MPP3: variants seen among roughly 807,000 people sequenced by gnomAD.
The protein encoded by MPP3 is MAGUK p55 scaffold protein 3.
Under a neutral mutation model 80.7 loss-of-function variants are expected in MPP3, and 48 were observed. The observed-to-expected ratio is 0.59, with a 90% CI of 0.47 to 0.76. The LOEUF (loss-of-function observed/expected upper bound fraction) is 0.76. Among genes scored for constraint, MPP3 ranks in the 30% least tolerant of loss-of-function variants. The probability of loss-of-function intolerance (pLI) is 0.00; values close to 1 mark genes in which losing one functional copy is unlikely to be tolerated. For missense variants in MPP3, 620 were observed against 763.0 expected (o/e 0.81, Z 2.21); for synonymous variants, 311 against 297.6 (o/e 1.04, Z -0.46).
intron 19 of MPP3, among the ~76,000 whole-genome samples, chr17:43,806,189 AG>A (rs1437494779): frequency 3.3e-5 from 5 of 152,248 alleles, no homozygotes; most frequent in African/African-American, 1.2e-4. Context: ...TTTTTGAGAC[AG>A]AGTCTTGCTC....
Position 43,818,101 on chromosome 17 carries a change from G to GCTTAGT in MPP3, c.885_890dup (p.Arg295_Leu296dup). The GCTTAGT allele has an allele frequency of 6.4e-7, 1 of 1,561,188 alleles. No homozygotes were observed. Among genetic ancestry groups the GCTTAGT allele is most frequent in the South Asian group, 1.2e-5 (1 of 84,012 alleles). On this transcript the variant is annotated inframe_insertion, in exon 12 of 20. Coordinates refer to ENST00000398389, the MANE Select transcript of MPP3 (RefSeq NM_001932.6). ...GCAGGGTGCCCGCGGCTCTCCGGTA[G>GCTTAGT]CTTAGTCGTCTGCAGGGACACAAGG...
chr17:43,816,779 A>G, intron 12 of MPP3, 82 bp from the exon 13 acceptor site: 1 of 1,378,524 alleles, frequency 7.3e-7, no homozygotes, highest in East Asian at 2.5e-5. Flanking sequence ...CCACGGCCCG[A>G]GTGCCTGAGG....
chr17:43,814,470 ACTGACT>A, intron 14 of MPP3, 109 bp from the exon 15 acceptor site: 6 of 1,164,552 alleles, frequency 5.2e-6, no homozygotes, highest in Non-Finnish European at 7.1e-6. Flanking sequence ...ACTGAGTCCC[ACTGACT>A]TCTCCCAACC....
intron 10 of MPP3, among the ~76,000 whole-genome samples, chr17:43,823,299 G>A (rs2045547894): frequency 6.6e-6 from 1 of 151,996 alleles, no homozygotes; most frequent in South Asian, 2.1e-4. Context: ...CCACCACATA[G>A]CCCTTAACGT....
chr17:43,832,622 G>A (rs1555595719), intron 2 of MPP3, 139 bp downstream of exon 2: 1 of 152,580 alleles, frequency 6.6e-6, no homozygotes, highest in Non-Finnish European at 1.5e-5. Flanking sequence ...AGAGGAGAAG[G>A]AGAGTCATGA....
At chr17:43,814,115 C>A in intron 15 of MPP3, 24 bp from the exon 16 acceptor site, 1 of 1,606,420 alleles carries the variant, frequency 6.2e-7, no homozygotes, top group Non-Finnish European at 8.5e-7. Flanking sequence ...AGAAGGCTGA[C>A]CAGGGTCCCT....
At position 43,814,850 on chromosome 17, in the gene MPP3, A is replaced by G. The variant is rs137938914; in HGVS notation, c.1010-489T>C. On this transcript the variant is annotated intron_variant, in intron 14 of 19. Coordinates refer to ENST00000398389, the MANE Select transcript of MPP3 (RefSeq NM_001932.6). ...GGCCTTAGGAAATACATGCTGAGAG[A>G]TTTAGGGTTAAAGGGACACGATGTC... is the stretch of plus-strand genomic sequence containing the variant. 7.7e-4 allele frequency among the ~76,000 whole-genome samples: 117 copies of G among 152,312 alleles called. 2 individuals are homozygous for G. The East Asian group carries it at 0.018, about 24-fold the overall frequency.
chr17:43,809,532 T>C (rs1005702279), intron 18 of MPP3, among the ~76,000 whole-genome samples: 5 of 152,132 alleles, frequency 3.3e-5, no homozygotes, highest in Non-Finnish European at 7.4e-5. Context: ...AAGAAAAGGT[T>C]TGCAAAGCAA....
At chr17:43,814,472 T>C (rs2045019505) in intron 14 of MPP3, 111 bp from the exon 15 acceptor site, 2 of 1,089,164 alleles carry the variant, frequency 1.8e-6, no homozygotes, top group South Asian at 1.7e-5. Context: ...TGAGTCCCAC[T>C]GACTTCTCCC....
At position 43,811,209 on chromosome 17, in the gene MPP3, T is replaced by G; in HGVS notation, c.1256-4A>C. On this transcript the variant is annotated splice_region_variant and splice_polypyrimidine_tract_variant and intron_variant, in intron 16 of 19. Transcript: ENST00000398389. ...CTCTTTCGGGGCCTGGTGGTATCTTTTAAAGAAAGAAGGAAAGCTGGGCAA... is the reference window on the plus strand; with the variant it reads ...CTCTTTCGGGGCCTGGTGGTATCTTGTAAAGAAAGAAGGAAAGCTGGGCAA... 6.2e-7 allele frequency: 1 copy of G among 1,612,182 alleles called. No individual in the cohort carries two copies. Among genetic ancestry groups the G allele is most frequent in the Non-Finnish European group, 8.5e-7 (1 of 1,178,312 alleles).
intron 9 of MPP3, 117 bp from the exon 10 acceptor site, chr17:43,824,122 T>C: frequency 4.6e-6 from 3 of 651,842 alleles, no homozygotes; most frequent in Admixed American, 6.8e-5. Context: ...CAGCCTCCCC[T>C]GAGGCCCACT....
At chr17:43,819,557 T>C (rs188112233) in intron 11 of MPP3, among the ~76,000 whole-genome samples, 4 of 152,320 alleles carry the variant, frequency 2.6e-5, no homozygotes, top group Admixed American at 1.3e-4. Context: ...ATCACGTTTA[T>C]ATAAACTGTG....
intron 8 of MPP3, among the ~76,000 whole-genome samples, chr17:43,827,443 T>C (rs2045764984): frequency 6.7e-6 from 1 of 150,048 alleles, no homozygotes; most frequent in African/African-American, 2.5e-5. Flanking sequence ...TTAGTAGAAA[T>C]GGGGTTTCGC....
chr17:43,824,091 A>G, intron 9 of MPP3, 86 bp from the exon 10 acceptor site: 1 of 961,524 alleles, frequency 1.0e-6, no homozygotes, highest in Non-Finnish European at 1.6e-6. Flanking sequence ...CTAAAAACTG[A>G]TGTTCAGAAA....
At chr17:43,827,725 GC>G in intron 8 of MPP3, 25 bp downstream of exon 8, 1 of 1,606,146 alleles carries the variant, frequency 6.2e-7, no homozygotes. Flanking sequence ...TCGGGGCTGG[GC>G]CAGCTTTGCA....
rs1215800106 is a variant in MPP3, at chr17:43,832,145, G to A, written c.-37-202C>T. 9.0e-6 allele frequency: 5 copies of A among 558,132 alleles called. No individual in the cohort carries two copies. In the East Asian group the frequency reaches 1.6e-4, roughly 18 times the overall value. The allele number at this position is 558,132 out of a possible 1,614,324, so 34.6% of individuals were successfully genotyped here. ...TCCTCGATGTGCCAAGCATTGTGTG[G>A]GGTGATTTCTATGATAAACTTTTTG... On this transcript the variant is annotated intron_variant, in intron 2 of 19. Transcript: ENST00000398389.
chr17:43,807,742 G>A (rs1178043740), intron 19 of MPP3, among the ~76,000 whole-genome samples: 1 of 152,104 alleles, frequency 6.6e-6, no homozygotes, highest in Non-Finnish European at 1.5e-5. Flanking sequence ...GATCATTTGA[G>A]GCCAGGAGTT....
chr17:43,831,199 G>C lies in MPP3; in HGVS notation c.222+45C>G, dbSNP rs774261544. The C allele has an allele frequency of 3.8e-6, 6 of 1,563,058 alleles. No homozygotes were observed. The African/African-American group carries it at 8.1e-5, about 21-fold the overall frequency. On this transcript the variant is annotated intron_variant, in intron 5 of 19. Coordinates refer to ENST00000398389, the MANE Select transcript of MPP3 (RefSeq NM_001932.6). ...GAGGCAAGATGAAGGAGCCCTACAG[G>C]GTGGGGAGTGGGGCAGACACTGTAA...
At chr17:43,817,234 CG>C (rs1399888674) in intron 12 of MPP3, among the ~76,000 whole-genome samples, 1 of 152,166 alleles carries the variant, frequency 6.6e-6, no homozygotes, top group African/African-American at 2.4e-5. Flanking sequence ...CCTCTCTGCA[CG>C]GGGCCCTACC....
Sources: gnomAD v4.1 joint callset for allele counts (sites outside exome capture counted in the v4.1 genomes callset) on GRCh38, gnomAD v4.1.1 for gene constraint, MANE v1.5 for transcripts, NCBI Gene and HGNC (gene_info 2026-07-23, HGNC 2026-07-21) for gene names.